The following ABAT variants were observed in gnomAD, a reference collection of about 807,000 sequenced individuals.
The protein encoded by ABAT is 4-aminobutyrate aminotransferase, mitochondrial.
Under a neutral mutation model 64.6 loss-of-function variants are expected in ABAT, and 45 were observed. The observed-to-expected ratio is 0.70, with a 90% confidence interval of 0.55 to 0.89. The LOEUF is 0.89. Ranked by LOEUF, ABAT falls within the 40% of genes least tolerant of loss-of-function variation. The pLI is 0.00. For synonymous variants in ABAT, 297 were observed against 250.5 expected, an observed-to-expected ratio of 1.19 and a Z score of -1.75; for missense variants, 633 against 658.4, an observed-to-expected ratio of 0.96 and a Z score of 0.42.
At chr16:8,702,500 G>C (rs1195083064) in intron 1 of ABAT, among the ~76,000 whole-genome samples, 1 of 152,024 alleles carries the variant, frequency 6.6e-6, no homozygotes, top group Non-Finnish European at 1.5e-5. Context: ...TAATCCTCCC[G>C]CCTCGGCCTC....
At chr16:8,765,706 CA>C (rs111981859) in intron 8 of ABAT, 1 of 152,612 alleles carries the variant, frequency 6.6e-6, no homozygotes, top group Non-Finnish European at 1.5e-5. Context: ...AAAACAAAAA[CA>C]AAAAAAACCC....
At position 8,745,542 on chromosome 16, in the gene ABAT, C is replaced by T. The variant is rs1355816993; in HGVS notation, c.71-459C>T. ...CGAAACCCCGTCTCTACTAAAAATA[C>T]CAAAATTAGCCAGGCATGGTGGTGC... On this transcript the variant is annotated intron_variant, in intron 2 of 15. Coordinates refer to ENST00000268251, the MANE Select transcript of ABAT (RefSeq NM_020686.6). Among the ~76,000 whole-genome samples, 4 of 151,726 alleles carry T rather than the reference C, an allele frequency of 2.6e-5. No homozygotes were observed. The East Asian group carries it at 7.8e-4, about 29-fold the overall frequency.
At chr16:8,702,997 G>A (rs573505763) in intron 1 of ABAT, among the ~76,000 whole-genome samples, 28 of 152,248 alleles carry the variant, frequency 1.8e-4, no homozygotes, top group African/African-American at 6.7e-4. Flanking sequence ...TGTGATGCAT[G>A]AGAGTGTGCC....
At chr16:8,744,893 A>C (rs2059285752) in intron 2 of ABAT, among the ~76,000 whole-genome samples, 1 of 152,084 alleles carries the variant, frequency 6.6e-6, no homozygotes, top group African/African-American at 2.4e-5. Context: ...ACCTCAAAAC[A>C]ATTAATGGGT....
chr16:8,746,487 AG>A (rs1435657167), intron 3 of ABAT, among the ~76,000 whole-genome samples: 1 of 151,964 alleles, frequency 6.6e-6, no homozygotes, highest in Non-Finnish European at 1.5e-5. Flanking sequence ...TGGGAGGCAG[AG>A]GTTGCAGTGA....
rs542969275 is a variant in ABAT, at chr16:8,764,413, C to T, written c.447+264C>T. Among the ~76,000 whole-genome samples the T allele has an allele frequency of 1.3e-5, 2 of 152,084 alleles. No individual in the cohort carries two copies. Among genetic ancestry groups the T allele is most frequent in the Non-Finnish European group, 2.9e-5 (2 of 67,938 alleles). ...GTCATTCAATCCTGCCCCCACTTCT[C>T]GGTTTTAGTTACTACAAACGATTAA... On this transcript the variant is annotated intron_variant, in intron 7 of 15. Transcript: ENST00000268251. The surrounding 1 kb of genome is among the most constrained non-coding windows in gnomAD (Gnocchi z 4.2).
At chr16:8,735,037 A>G (rs112981956) in intron 1 of ABAT, among the ~76,000 whole-genome samples, 16,359 of 92,236 alleles carry the variant, frequency 0.18, 1,272 homozygotes, top group African/African-American at 0.29. Flanking sequence ...GTGAAACCCC[A>G]TCTCTACTTA....
chr16:8,753,336 C>A (rs1313524968), intron 5 of ABAT, among the ~76,000 whole-genome samples: 1 of 152,116 alleles, frequency 6.6e-6, no homozygotes, highest in Non-Finnish European at 1.5e-5. Context: ...ACCTCGTGAT[C>A]CACCCACCTT....
chr16:8,696,973 T>C (rs1255325088), intron 1 of ABAT, among the ~76,000 whole-genome samples: 2 of 152,162 alleles, frequency 1.3e-5, no homozygotes, highest in Non-Finnish European at 2.9e-5. Flanking sequence ...TAACTTACAT[T>C]GCGCGTCGAC....
intron 1 of ABAT, among the ~76,000 whole-genome samples, chr16:8,728,256 A>G (rs1405413170): frequency 6.6e-6 from 1 of 152,246 alleles, no homozygotes; most frequent in East Asian, 1.9e-4. Context: ...AGATTTTGTT[A>G]TAAGGTCAAT....
chr16:8,748,129 A>G lies in ABAT; in HGVS notation c.190A>G (p.Ile64Val), dbSNP rs756209600. 5.0e-5 allele frequency: 80 copies of G among 1,613,482 alleles called. No homozygotes were observed. The highest frequency in any genetic ancestry group is 6.3e-5 in the Non-Finnish European group (74 of 1,179,616). The change falls in exon 4 of 16, where the codon ATA (isoleucine) becomes GTA (valine). Residue 64 changes from isoleucine (I) to valine (V), a missense_variant. By Grantham distance (29) the Ile-to-Val change is conservative (BLOSUM62 3). Coordinates refer to ENST00000268251, the MANE Select transcript of ABAT (RefSeq NM_020686.6). ...GCAGGAGTTAATGAAACAGCTGAAT[A>G]TAATTCAGGTAAGTGAGGAGGAGGT... ...RSQELMKQLN[I>V]IQNAEAVHFF...
In ABAT at chr16:8,784,489, C is replaced by T. The variant is rs886052449; in HGVS notation, c.*3059C>T. On this transcript the variant is annotated 3_prime_UTR_variant, in exon 16 of 16. Coordinates refer to ENST00000268251, the MANE Select transcript of ABAT (RefSeq NM_020686.6). ...AAAAAATTAACATGTCACAATGTAA[C>T]GGATGACCATATGCACAATTCCATG... 2.6e-5 allele frequency: 4 copies of T among 152,330 alleles called. No individual in the cohort carries two copies. Among genetic ancestry groups the T allele is most frequent in the East Asian group, 3.8e-4 (2 of 5,198 alleles). The allele number at this position is 152,330 out of a possible 1,614,324, so 9.4% of individuals were successfully genotyped here. A position where few individuals can be genotyped will look rare whatever the true frequency, so the allele number is the denominator to read the frequency against.
intron 1 of ABAT, among the ~76,000 whole-genome samples, chr16:8,733,024 G>A (rs1205619865): frequency 6.7e-6 from 1 of 148,352 alleles, no homozygotes; most frequent in Non-Finnish European, 1.5e-5. Context: ...CCTGGCAGGG[G>A]GCTGATCCCC....
At chr16:8,755,614 A>G (rs2059626637) in intron 5 of ABAT, among the ~76,000 whole-genome samples, 1 of 152,140 alleles carries the variant, frequency 6.6e-6, no homozygotes, top group Non-Finnish European at 1.5e-5. Flanking sequence ...GGAGATAGAC[A>G]ATGGCTTGAC....
intron 1 of ABAT, among the ~76,000 whole-genome samples, chr16:8,704,402 T>C (rs933439474): frequency 1.3e-5 from 2 of 152,262 alleles, no homozygotes; most frequent in Non-Finnish European, 1.5e-5. Context: ...TCTCATGCCC[T>C]GGTGAAGTAT....
At chr16:8,726,262 C>CTTTCTT (rs1460759317) in intron 1 of ABAT, among the ~76,000 whole-genome samples, 3 of 120,818 alleles carry the variant, frequency 2.5e-5, no homozygotes, top group Non-Finnish European at 3.3e-5. Context: ...ATGACTAGAT[C>CTTTCTT]TTTTTTTTTT....
At chr16:8,735,466 A>G (rs2058893316) in intron 1 of ABAT, among the ~76,000 whole-genome samples, 1 of 152,108 alleles carries the variant, frequency 6.6e-6, no homozygotes. Flanking sequence ...TGCCCAGACT[A>G]GTCTGGAACT....
chr16:8,771,078 C>T (rs1350573887), intron 11 of ABAT, among the ~76,000 whole-genome samples: 1 of 152,034 alleles, frequency 6.6e-6, no homozygotes, highest in Non-Finnish European at 1.5e-5. Context: ...GGCAGATCAC[C>T]TGAGGTCAGG....
At chr16:8,714,197 A>G (rs1291761145) in intron 1 of ABAT, among the ~76,000 whole-genome samples, 1 of 152,234 alleles carries the variant, frequency 6.6e-6, no homozygotes, top group African/African-American at 2.4e-5. Flanking sequence ...TAGGCTTGCA[A>G]CACCACAGTC....
Sources: allele counts gnomAD v4.1 joint callset (sites outside exome capture counted in the v4.1 genomes callset), GRCh38; gene constraint gnomAD v4.1.1; non-coding constraint Gnocchi (gnomAD v3.1); transcripts MANE v1.5; gene names NCBI Gene and HGNC (gene_info 2026-07-23, HGNC 2026-07-21).